The following SPHKAP variants were observed in gnomAD, a reference collection of about 807,000 sequenced individuals.
The protein encoded by SPHKAP is A-kinase anchor protein SPHKAP.
In SPHKAP, 67 loss-of-function variants were observed where a neutral mutation model predicts 137.5. That is an observed-to-expected ratio of 0.49 (90% CI 0.40 to 0.60). The LOEUF (loss-of-function observed/expected upper bound fraction) is 0.60. Among genes scored for constraint, SPHKAP ranks in the 20% least tolerant of loss-of-function variants. The pLI, the probability that SPHKAP is intolerant of heterozygous loss-of-function variation, is 0.00. For synonymous variants in SPHKAP, 813 were observed against 785.3 expected (o/e 1.04, Z -0.59); for missense variants, 2,097 against 2,069.3 (o/e 1.01, Z -0.26).
rs1693134085 is a variant in SPHKAP, at chr2:227,984,339, C to CA, written c.4960-2480dup. Among the ~76,000 whole-genome samples, 6 of 148,954 alleles carry CA rather than the reference C, an allele frequency of 4.0e-5. No homozygotes were observed. In the South Asian group the frequency reaches 1.3e-3, roughly 32 times the overall value. ...AAAAAGAAAGAAAGAAAAAAATTTT[C>CA]AAAGAAAGTATTCATTGCCTGGGAC... On this transcript the variant is annotated intron_variant, in intron 11 of 11. Transcript: ENST00000392056.
chr2:228,020,145 T>C lies in SPHKAP; in HGVS notation c.709A>G (p.Ile237Val), dbSNP rs373908729. 10 of 1,599,536 alleles carry C rather than the reference T, an allele frequency of 6.3e-6. No homozygotes were observed. The highest frequency in any genetic ancestry group is 8.5e-6 in the Non-Finnish European group (10 of 1,175,052). ...TCCAAAACATTGGCTGAGACATTTATATTTTCATAATCTAGTGAGGAGAAA... is the reference window on the plus strand; with the variant it reads ...TCCAAAACATTGGCTGAGACATTTACATTTTCATAATCTAGTGAGGAGAAA... ...VDESRNDYENINVSANVLESK... is the reference protein window; with the variant it reads ...VDESRNDYENVNVSANVLESK... The change falls in exon 7 of 12, where the codon ATA (isoleucine) becomes GTA (valine). Residue 237 changes from isoleucine to valine, a missense_variant. By Grantham distance (29) the Ile-to-Val change is conservative. Transcript: ENST00000392056.
chr2:228,070,280 C>T (rs572168505), intron 3 of SPHKAP, among the ~76,000 whole-genome samples: 4 of 151,954 alleles, frequency 2.6e-5, no homozygotes, highest in African/African-American at 4.8e-5. Context: ...ATCTTCATGT[C>T]GAATATGCTG....
chr2:227,982,081 G>A (rs1479556504), intron 11 of SPHKAP: 1 of 971,746 alleles, frequency 1.0e-6, no homozygotes, highest in African/African-American at 1.9e-5. Context: ...ACAGCAGTTT[G>A]CCATTCATTG....
At chr2:228,144,823 G>A (rs1699723663) in intron 1 of SPHKAP, among the ~76,000 whole-genome samples, 1 of 152,186 alleles carries the variant, frequency 6.6e-6, no homozygotes, top group South Asian at 2.1e-4. Context: ...TCCCACCAAA[G>A]ATAACAGATA....
chr2:228,102,430 A>G (rs1297320923), intron 3 of SPHKAP, among the ~76,000 whole-genome samples: 2 of 152,218 alleles, frequency 1.3e-5, no homozygotes, highest in Non-Finnish European at 2.9e-5. Flanking sequence ...CACTCTACTT[A>G]CTTAATACTT....
chr2:228,001,368 C>A (rs933500683), intron 7 of SPHKAP, among the ~76,000 whole-genome samples: 49 of 139,872 alleles, frequency 3.5e-4, no homozygotes, highest in African/African-American at 1.1e-3. Flanking sequence ...AATATATACA[C>A]ACATAAATAT....
chr2:227,999,431 C>T (rs1298215665), intron 7 of SPHKAP, among the ~76,000 whole-genome samples: 1 of 152,190 alleles, frequency 6.6e-6, no homozygotes, highest in Non-Finnish European at 1.5e-5. Flanking sequence ...ATCCCCAACA[C>T]AGTGCAAATG....
At chr2:228,003,598 TG>T (rs1476093255) in intron 7 of SPHKAP, among the ~76,000 whole-genome samples, 2 of 152,342 alleles carry the variant, frequency 1.3e-5, no homozygotes, top group Non-Finnish European at 2.9e-5. Flanking sequence ...TCCAAAACTA[TG>T]TTGGATAGGA....
At chr2:228,116,284 A>G (rs532351568) in intron 2 of SPHKAP, among the ~76,000 whole-genome samples, 1 of 152,214 alleles carries the variant, frequency 6.6e-6, no homozygotes, top group Non-Finnish European at 1.5e-5. Context: ...AGCTCACTAA[A>G]ACCAAAACAA....
chr2:228,094,067 TA>T (rs983263891), intron 3 of SPHKAP, among the ~76,000 whole-genome samples: 6 of 152,218 alleles, frequency 3.9e-5, no homozygotes, highest in African/African-American at 1.4e-4. Context: ...AATATCTAGG[TA>T]TTTTTTTATA....
intron 2 of SPHKAP, among the ~76,000 whole-genome samples, chr2:228,123,649 T>G (rs1698981922): frequency 6.6e-6 from 1 of 152,204 alleles, no homozygotes; most frequent in Non-Finnish European, 1.5e-5. Context: ...CCAAGAGCAA[T>G]GAAACTCTGA....
At chr2:228,113,124 A>G (rs1311517688) in intron 2 of SPHKAP, among the ~76,000 whole-genome samples, 1 of 152,172 alleles carries the variant, frequency 6.6e-6, no homozygotes, top group Non-Finnish European at 1.5e-5. Context: ...CAACTTTAAA[A>G]TTTTAATTTT....
intron 1 of SPHKAP, among the ~76,000 whole-genome samples, chr2:228,133,377 A>C (rs1396660408): frequency 6.6e-6 from 1 of 152,126 alleles, no homozygotes; most frequent in African/African-American, 2.4e-5. Flanking sequence ...ACACGTGATA[A>C]AAATGAAAAT....
intron 3 of SPHKAP, among the ~76,000 whole-genome samples, chr2:228,032,114 AAAG>A (rs911100575): frequency 2.6e-5 from 4 of 152,176 alleles, no homozygotes; most frequent in Admixed American, 2.6e-4. Context: ...AACCAATGGC[AAAG>A]AAGTTAAAAA....
chr2:228,025,277 C>A, intron 5 of SPHKAP, 117 bp downstream of exon 5: 2 of 1,106,738 alleles, frequency 1.8e-6, no homozygotes, highest in South Asian at 2.3e-5. Flanking sequence ...AATATAAAGA[C>A]ACTTTGATTC....
chr2:228,090,078 A>T (rs1281403469), intron 3 of SPHKAP, among the ~76,000 whole-genome samples: 3 of 152,236 alleles, frequency 2.0e-5, no homozygotes, highest in Non-Finnish European at 4.4e-5. Context: ...TAGAGTCGCC[A>T]GCGTCTTGTA....
At chr2:228,085,725 A>C (rs1398388854) in intron 3 of SPHKAP, among the ~76,000 whole-genome samples, 1 of 152,172 alleles carries the variant, frequency 6.6e-6, no homozygotes, top group Non-Finnish European at 1.5e-5. Flanking sequence ...ACATTAAGTG[A>C]CCTCCGTTAC....
At chr2:228,071,481 C>T (rs1025355427) in intron 3 of SPHKAP, among the ~76,000 whole-genome samples, 3 of 152,158 alleles carry the variant, frequency 2.0e-5, no homozygotes, top group African/African-American at 2.4e-5. Context: ...CTAAGTTCTC[C>T]GGCTTTACAC....
intron 3 of SPHKAP, among the ~76,000 whole-genome samples, chr2:228,034,964 C>G (rs1695525841): frequency 6.6e-6 from 1 of 151,250 alleles, no homozygotes; most frequent in Non-Finnish European, 1.5e-5. Flanking sequence ...CCTTTGAAAA[C>G]TGGCACAAGA....
Sources: gnomAD v4.1 joint callset for allele counts (sites outside exome capture counted in the v4.1 genomes callset) on GRCh38, gnomAD v4.1.1 for gene constraint, MANE v1.5 for transcripts, NCBI Gene and HGNC (gene_info 2026-07-23, HGNC 2026-07-21) for gene names.